The following ZFAND3 variants were observed in gnomAD, a reference collection of about 807,000 sequenced individuals.
The protein encoded by ZFAND3 is zinc finger AN1-type containing 3.
A neutral mutation model predicts 29.6 loss-of-function variants in ZFAND3; 10 were observed. The ratio of observed to expected loss-of-function variants is 0.34; its 90% CI spans 0.21 to 0.57. The LOEUF is 0.57. ZFAND3 is among the 20% of genes least tolerant of loss of function. The pLI is 0.86. For synonymous variants in ZFAND3, 128 were observed against 112.6 expected, an observed-to-expected ratio of 1.14 and a Z score of -0.87; for missense variants, 230 against 304.5, an observed-to-expected ratio of 0.76 and a Z score of 1.82.
chr6:38,009,782 C>T (rs1398137560), intron 2 of ZFAND3, among the ~76,000 whole-genome samples: 2 of 152,152 alleles, frequency 1.3e-5, no homozygotes, highest in African/African-American at 2.4e-5. Flanking sequence ...TGGTGGTTAC[C>T]GTTGCATTTT....
chr6:38,102,559 C>T (rs530408218), intron 4 of ZFAND3, among the ~76,000 whole-genome samples: 36 of 152,208 alleles, frequency 2.4e-4, no homozygotes, highest in Non-Finnish European at 4.4e-4. Flanking sequence ...CAGCATTATT[C>T]GAAGACTTCT....
chr6:37,824,913 A>G (rs892982793), intron 1 of ZFAND3, among the ~76,000 whole-genome samples: 8 of 152,228 alleles, frequency 5.3e-5, no homozygotes, highest in Non-Finnish European at 1.0e-4. Context: ...CCTAAAATAA[A>G]TTTCATTTCT....
At chr6:37,900,385 CTT>C (rs1457709704) in intron 1 of ZFAND3, among the ~76,000 whole-genome samples, 1 of 152,168 alleles carries the variant, frequency 6.6e-6, no homozygotes, top group Non-Finnish European at 1.5e-5. Context: ...GAAGACATCT[CTT>C]TTTCAAGAGG....
At chr6:38,087,391 G>A (rs1224265067) in intron 4 of ZFAND3, among the ~76,000 whole-genome samples, 1 of 152,156 alleles carries the variant, frequency 6.6e-6, no homozygotes, top group Non-Finnish European at 1.5e-5. Flanking sequence ...AGCTAACAAA[G>A]TGAAGAGACA....
chr6:38,062,061 A>G (rs1372127692), intron 3 of ZFAND3, among the ~76,000 whole-genome samples: 1 of 152,190 alleles, frequency 6.6e-6, no homozygotes, highest in Non-Finnish European at 1.5e-5. Flanking sequence ...AACAATTTTA[A>G]TCTTTAGCAC....
chr6:38,098,294 A>G (rs11757143), intron 4 of ZFAND3, among the ~76,000 whole-genome samples: 18,031 of 152,056 alleles, frequency 0.12, 1,329 homozygotes, highest in East Asian at 0.29. Context: ...CTACAGGTGC[A>G]TGCCACCGTC....
chr6:37,822,214 G>A (rs886178452), intron 1 of ZFAND3, among the ~76,000 whole-genome samples: 1 of 152,180 alleles, frequency 6.6e-6, no homozygotes, highest in Non-Finnish European at 1.5e-5. Flanking sequence ...TTACACTAAT[G>A]TTGTACTTGA....
At chr6:37,996,353 C>G (rs1762849479) in intron 2 of ZFAND3, among the ~76,000 whole-genome samples, 1 of 152,134 alleles carries the variant, frequency 6.6e-6, no homozygotes, top group Non-Finnish European at 1.5e-5. Context: ...TTATCATACA[C>G]TTGTTATGTA....
chr6:37,952,289 C>T (rs995502155), intron 2 of ZFAND3, among the ~76,000 whole-genome samples: 4 of 151,962 alleles, frequency 2.6e-5, no homozygotes, highest in Non-Finnish European at 5.9e-5. Context: ...ACCAGCTATC[C>T]CTTATTTGTC....
At chr6:38,084,616 C>T (rs550074633) in intron 4 of ZFAND3, among the ~76,000 whole-genome samples, 7 of 152,258 alleles carry the variant, frequency 4.6e-5, no homozygotes, top group African/African-American at 1.2e-4. Flanking sequence ...ATATTGATCA[C>T]GTTCTTTGTT....
At chr6:37,934,871 G>GA (rs1761670199) in intron 2 of ZFAND3, among the ~76,000 whole-genome samples, 1 of 136,624 alleles carries the variant, frequency 7.3e-6, no homozygotes, top group Admixed American at 7.3e-5. Context: ...AAAAGCAAAA[G>GA]TTAATCTTAC....
intron 2 of ZFAND3, among the ~76,000 whole-genome samples, chr6:38,042,601 A>G (rs1448603564): frequency 6.6e-6 from 1 of 152,172 alleles, no homozygotes; most frequent in African/African-American, 2.4e-5. Flanking sequence ...AACTTGGACC[A>G]CTGCACCTGG....
intron 4 of ZFAND3, among the ~76,000 whole-genome samples, chr6:38,109,437 G>A (rs944046517): frequency 3.9e-5 from 6 of 152,120 alleles, no homozygotes; most frequent in African/African-American, 7.2e-5. Context: ...CCGCCTCAGC[G>A]TCCCAAAGTG....
At chr6:38,082,984 T>C (rs2127471182) in intron 4 of ZFAND3, among the ~76,000 whole-genome samples, 1 of 152,332 alleles carries the variant, frequency 6.6e-6, no homozygotes. Flanking sequence ...GTCATGAATC[T>C]TGTGGCTCTC....
chr6:37,924,312 CTT>C lies in ZFAND3; in HGVS notation c.72-5630_72-5629del, dbSNP rs34276814. On this transcript the variant is annotated intron_variant, in intron 1 of 5. Coordinates refer to ENST00000287218, the MANE Select transcript of ZFAND3 (RefSeq NM_021943.3). ...TACATTTCAAATATCTACTTAAGTG[CTT>C]TTTTTTTTTTTTTTTTAATGGTTCA... Among the ~76,000 whole-genome samples the C allele has an allele frequency of 3.7e-3, 465 of 127,230 alleles. 2 individuals carry two copies. The highest frequency in any genetic ancestry group is 9.0e-3 in the Admixed American group (112 of 12,484). 83.5% of individuals were successfully genotyped at this position (127,230 alleles called of 152,430 possible). A position where few individuals can be genotyped will look rare whatever the true frequency, so the allele number is the denominator to read the frequency against.
chr6:38,108,268 G>A (rs938708263), intron 4 of ZFAND3, among the ~76,000 whole-genome samples: 2 of 152,030 alleles, frequency 1.3e-5, no homozygotes, highest in Admixed American at 6.6e-5. Flanking sequence ...ATGGAGGGGC[G>A]AGTGTATTAG....
At chr6:37,906,335 GTGT>G (rs959515942) in intron 1 of ZFAND3, among the ~76,000 whole-genome samples, 14 of 152,054 alleles carry the variant, frequency 9.2e-5, no homozygotes, top group African/African-American at 3.4e-4. Flanking sequence ...GGGCTTATCC[GTGT>G]TGTTGTGTGT....
intron 2 of ZFAND3, among the ~76,000 whole-genome samples, chr6:37,990,033 T>C (rs1762732767): frequency 6.6e-6 from 1 of 152,150 alleles, no homozygotes; most frequent in Admixed American, 6.5e-5. Flanking sequence ...CGTTGGCTGT[T>C]ACTGGTATAG....
intron 5 of ZFAND3, among the ~76,000 whole-genome samples, chr6:38,141,579 G>A (rs1404345866): frequency 1.3e-5 from 2 of 152,220 alleles, no homozygotes; most frequent in Non-Finnish European, 2.9e-5. Context: ...CACTTAGCAT[G>A]CATTTATAGT....
Sources: allele counts gnomAD v4.1 joint callset (sites outside exome capture counted in the v4.1 genomes callset), GRCh38; gene constraint gnomAD v4.1.1; transcripts MANE v1.5; gene names NCBI Gene and HGNC (gene_info 2026-07-23, HGNC 2026-07-21).